The following LCP1 variants were observed in gnomAD, a reference collection of about 807,000 sequenced individuals.
The protein encoded by LCP1 is lymphocyte cytosolic protein 1.
Under a neutral mutation model 72.0 loss-of-function variants are expected in LCP1, and 23 were observed. The ratio of observed to expected loss-of-function variants is 0.32; its 90% confidence interval spans 0.23 to 0.45. The LOEUF is 0.45. Among genes scored for constraint, LCP1 ranks in the 20% least tolerant of loss-of-function variants. The pLI, the probability that LCP1 is intolerant of heterozygous loss-of-function variation, is 1.00. For missense variants in LCP1, 571 were observed against 748.3 expected, an observed-to-expected ratio of 0.76 and a Z score of 2.76; for synonymous variants, 245 against 275.4, an observed-to-expected ratio of 0.89 and a Z score of 1.09.
chr13:46,130,339 A>C (rs1237895910), intron 15 of LCP1, among the ~76,000 whole-genome samples: 2 of 152,234 alleles, frequency 1.3e-5, no homozygotes, highest in African/African-American at 4.8e-5. Flanking sequence ...AGAAAAGCAG[A>C]CAACAGGGCA....
At chr13:46,176,479 T>C (rs1176406066) in intron 1 of LCP1, among the ~76,000 whole-genome samples, 1 of 152,242 alleles carries the variant, frequency 6.6e-6, no homozygotes, top group African/African-American at 2.4e-5. Context: ...GATCCACTTC[T>C]AATTTTAAAC....
intron 6 of LCP1, among the ~76,000 whole-genome samples, chr13:46,154,067 T>TC (rs1445915202): frequency 6.6e-6 from 1 of 152,212 alleles, no homozygotes; most frequent in Non-Finnish European, 1.5e-5. Flanking sequence ...GAAAAGTGGG[T>TC]CCTTGTTCTA....
intron 1 of LCP1, among the ~76,000 whole-genome samples, chr13:46,177,379 C>T (rs1048992325): frequency 3.9e-4 from 59 of 152,276 alleles, no homozygotes; most frequent in Middle Eastern, 6.8e-3. Flanking sequence ...CGGTGGCTCA[C>T]GCCTGTAATC....
intron 14 of LCP1, among the ~76,000 whole-genome samples, chr13:46,132,743 A>G (rs538628312): frequency 6.6e-6 from 1 of 152,148 alleles, no homozygotes; most frequent in Non-Finnish European, 1.5e-5. Flanking sequence ...ACTGAACAGT[A>G]GGCTGGAGAT....
At chr13:46,128,320 C>A (rs1352511720) in intron 15 of LCP1, among the ~76,000 whole-genome samples, 1 of 152,192 alleles carries the variant, frequency 6.6e-6, no homozygotes, top group Non-Finnish European at 1.5e-5. Flanking sequence ...TGACCTTGGC[C>A]AGGCGCGGTG....
intron 1 of LCP1, among the ~76,000 whole-genome samples, chr13:46,180,588 AG>A (rs2045951464): frequency 6.6e-6 from 1 of 152,222 alleles, no homozygotes; most frequent in Admixed American, 6.5e-5. Flanking sequence ...GCTTGTTCAA[AG>A]GGCAAGACCT....
intron 2 of LCP1, 139 bp downstream of exon 2, chr13:46,159,460 C>T (rs947054916): frequency 1.1e-5 from 7 of 659,466 alleles, no homozygotes; most frequent in East Asian, 2.6e-5. Context: ...AAAATAAGTT[C>T]TCCCAGCTCC....
intron 15 of LCP1, among the ~76,000 whole-genome samples, chr13:46,129,707 C>T (rs780960828): frequency 1.3e-5 from 2 of 152,004 alleles, no homozygotes; most frequent in Non-Finnish European, 2.9e-5. Flanking sequence ...GCAGGGATGC[C>T]GGGCACTAGA....
rs550717645 is a variant in LCP1 at position 46,131,040 on chromosome 13, T to C, written c.1627-102A>G. 3.4e-6 allele frequency: 4 copies of C among 1,171,766 alleles called. No individual in the cohort carries two copies. The South Asian group carries it at 7.3e-5, about 21-fold the overall frequency. 72.6% of individuals were successfully genotyped at this position (1,171,766 alleles called of 1,614,324 possible). A position where few individuals can be genotyped will look rare whatever the true frequency, so the allele number is the denominator to read the frequency against. On this transcript the variant is annotated intron_variant, in intron 14 of 15. Transcript: ENST00000323076. ...TTTTTCTTCCTAAATATATAATATA[T>C]ACAGCCTGGTCTGGGAAATGCAGCA...
chr13:46,128,340 T>C (rs1410096768), intron 15 of LCP1, among the ~76,000 whole-genome samples: 1 of 152,244 alleles, frequency 6.6e-6, no homozygotes, highest in Non-Finnish European at 1.5e-5. Context: ...GGCTCACGCC[T>C]GTAATCCCAA....
At chr13:46,150,585 C>G (rs2045757718) in intron 8 of LCP1, among the ~76,000 whole-genome samples, 1 of 152,176 alleles carries the variant, frequency 6.6e-6, no homozygotes, top group African/African-American at 2.4e-5. Context: ...AGGGAATTCC[C>G]ATCTGCTGCT....
At chr13:46,146,756 A>C in intron 10 of LCP1, 152 bp downstream of exon 10, 1 of 758,012 alleles carries the variant, frequency 1.3e-6, no homozygotes, top group Non-Finnish European at 2.3e-6. Context: ...TGACTTGATG[A>C]ATCTATTTAT....
intron 13 of LCP1, among the ~76,000 whole-genome samples, chr13:46,140,239 CAGTCTT>C (rs1178734502): frequency 6.6e-6 from 1 of 152,162 alleles, no homozygotes; most frequent in African/African-American, 2.4e-5. Flanking sequence ...GGGTTTCCCT[CAGTCTT>C]CAGCTGAGGA....
chr13:46,151,708 A>G lies in LCP1; in HGVS notation c.740-630T>C, dbSNP rs184214866. On this transcript the variant is annotated intron_variant, in intron 7 of 15. Transcript: ENST00000323076. ...GCCTTCTTTATATTATGTTTAATAC[A>G]TTGGTTTTTAAATAATATTTCAGGA... Among the ~76,000 whole-genome samples, 411 of 152,276 alleles carry G rather than the reference A, an allele frequency of 2.7e-3. 3 individuals carry two copies. The highest frequency in any genetic ancestry group is 9.5e-3 in the African/African-American group (396 of 41,554).
intron 1 of LCP1, 81 bp from the exon 2 acceptor site, chr13:46,159,767 A>G (rs2045826495): frequency 1.3e-6 from 1 of 793,410 alleles, no homozygotes; most frequent in South Asian, 1.5e-5. Flanking sequence ...ATTCCCATTT[A>G]TTACATGAAG....
At chr13:46,153,240 G>T in intron 6 of LCP1, 1 of 210,344 alleles carries the variant, frequency 4.8e-6, no homozygotes, top group Non-Finnish European at 9.5e-6. Context: ...ATCTTGCTCT[G>T]TGATGAAGCT....
intron 1 of LCP1, among the ~76,000 whole-genome samples, chr13:46,179,016 G>A (rs1399671253): frequency 6.6e-6 from 1 of 152,204 alleles, no homozygotes; most frequent in East Asian, 1.9e-4. Flanking sequence ...AAGTGACTAA[G>A]TAAAAGTTAA....
chr13:46,149,464 T>C (rs1293173933), intron 8 of LCP1, among the ~76,000 whole-genome samples: 4 of 152,202 alleles, frequency 2.6e-5, no homozygotes, highest in Non-Finnish European at 5.9e-5. Flanking sequence ...TGCCCTGGGT[T>C]ACATCTTTTT....
In LCP1 at chr13:46,130,948, G is replaced by A. The variant is rs1386572891; in HGVS notation, c.1627-10C>T. The A allele has an allele frequency of 1.9e-6, 3 of 1,575,970 alleles. No homozygotes were observed. The highest frequency in any genetic ancestry group is 2.4e-5 in the South Asian group (2 of 83,670). ...TACTAATCTTCGGGTCCTATGCAGA[G>A]ACACAGGGAGGGTTTCATCAACGTG... is the stretch of plus-strand genomic sequence containing the variant. On this transcript the variant is annotated splice_polypyrimidine_tract_variant and intron_variant, in intron 14 of 15. Coordinates refer to ENST00000323076, the MANE Select transcript of LCP1 (RefSeq NM_002298.5).
Sources: allele counts gnomAD v4.1 joint callset (sites outside exome capture counted in the v4.1 genomes callset), GRCh38; gene constraint gnomAD v4.1.1; transcripts MANE v1.5; gene names NCBI Gene and HGNC (gene_info 2026-07-23, HGNC 2026-07-21).